CCDC91: variants seen among roughly 807,000 people sequenced by gnomAD.
The protein encoded by CCDC91 is coiled-coil domain containing 91, also known as coiled-coil domain-containing protein 91.
CCDC91 carries 48 observed loss-of-function variants against 63.2 expected under a neutral mutation model. The ratio of observed to expected loss-of-function variants is 0.76; its 90% CI spans 0.60 to 0.97. The LOEUF is 0.97. Among genes scored for constraint, CCDC91 ranks in the 50% least tolerant of loss-of-function variants. The pLI is 0.00. For missense variants in CCDC91, 500 were observed against 494.6 expected (o/e 1.01, Z -0.10); for synonymous variants, 167 against 165.8 (o/e 1.01, Z -0.06).
chr12:28,468,603 A>G (rs1456348634), intron 11 of CCDC91, among the ~76,000 whole-genome samples: 2 of 151,996 alleles, frequency 1.3e-5, no homozygotes, highest in South Asian at 4.1e-4. Flanking sequence ...TGAGGCCAGT[A>G]TTACCCAATA....
chr12:28,364,395 A>G (rs1944134739), intron 7 of CCDC91, among the ~76,000 whole-genome samples: 1 of 152,194 alleles, frequency 6.6e-6, no homozygotes, highest in Non-Finnish European at 1.5e-5. Flanking sequence ...CTCAAAAAAA[A>G]ACAAAAACAA....
At chr12:28,376,456 T>TG (rs1592479521) in intron 7 of CCDC91, among the ~76,000 whole-genome samples, 2 of 151,718 alleles carry the variant, frequency 1.3e-5, no homozygotes, top group African/African-American at 4.8e-5. Context: ...AACAAAAACT[T>TG]GTCCTACGTC....
At chr12:28,450,506 A>G in intron 10 of CCDC91, 88 bp downstream of exon 10, 3 of 957,736 alleles carry the variant, frequency 3.1e-6, no homozygotes, top group South Asian at 3.0e-5. Flanking sequence ...CTTTTATAAA[A>G]TGTTTCATTC....
chr12:28,498,111 C>A (rs1356924466), intron 12 of CCDC91, among the ~76,000 whole-genome samples: 1 of 151,632 alleles, frequency 6.6e-6, no homozygotes, highest in Non-Finnish European at 1.5e-5. Flanking sequence ...TTTACATATA[C>A]CTTTCTGCAT....
At chr12:28,452,431 T>C (rs752392354) in intron 10 of CCDC91, 47 bp from the exon 11 acceptor site, 4 of 1,205,018 alleles carry the variant, frequency 3.3e-6, no homozygotes, top group Non-Finnish European at 4.6e-6. Context: ...CTCAAGAAAT[T>C]ATTATGCAGT....
intron 7 of CCDC91, among the ~76,000 whole-genome samples, chr12:28,373,556 T>G (rs1944754068): frequency 1.3e-5 from 2 of 152,218 alleles, no homozygotes; most frequent in African/African-American, 4.8e-5. Context: ...CAGTAGTTCT[T>G]AAGGTTTACT....
intron 6 of CCDC91, among the ~76,000 whole-genome samples, chr12:28,316,359 C>A (rs1474322587): frequency 6.6e-6 from 1 of 151,480 alleles, no homozygotes; most frequent in East Asian, 1.9e-4. Context: ...TTTAAATAAT[C>A]ATTTCTGAAA....
chr12:28,466,611 C>T (rs1415441444), intron 11 of CCDC91, among the ~76,000 whole-genome samples: 3 of 152,106 alleles, frequency 2.0e-5, no homozygotes, highest in Non-Finnish European at 2.9e-5. Context: ...ATAGTACATT[C>T]AGCAAAATTA....
At chr12:28,242,454 T>G (rs552129591) in intron 1 of CCDC91, among the ~76,000 whole-genome samples, 1 of 151,908 alleles carries the variant, frequency 6.6e-6, no homozygotes, top group African/African-American at 2.4e-5. Flanking sequence ...CAACCAAACA[T>G]AGGAAATAAC....
intron 11 of CCDC91, among the ~76,000 whole-genome samples, chr12:28,478,211 A>G (rs146563715): frequency 2.0e-3 from 303 of 152,294 alleles, no homozygotes; most frequent in African/African-American, 7.0e-3. Flanking sequence ...ACTTCAAGCT[A>G]TACTCCAAGG....
At chr12:28,227,850 G>A (rs1287472051) in intron 1 of CCDC91, among the ~76,000 whole-genome samples, 1 of 151,990 alleles carries the variant, frequency 6.6e-6, no homozygotes, top group East Asian at 1.9e-4. Flanking sequence ...AATGAGTTCT[G>A]TGTTTGCCTC....
intron 7 of CCDC91, among the ~76,000 whole-genome samples, chr12:28,386,686 G>T (rs374508978): frequency 6.6e-6 from 1 of 152,158 alleles, no homozygotes; most frequent in East Asian, 1.9e-4. Flanking sequence ...TTCTTAAAGT[G>T]TGATAGTTTT....
intron 6 of CCDC91, among the ~76,000 whole-genome samples, chr12:28,326,708 A>T (rs1014758983): frequency 1.3e-5 from 2 of 152,018 alleles, no homozygotes; most frequent in Non-Finnish European, 1.5e-5. Context: ...TTAAATCTCC[A>T]TTCTATTTAT....
At chr12:28,362,068 A>G (rs1363994941) in intron 6 of CCDC91, among the ~76,000 whole-genome samples, 1 of 151,946 alleles carries the variant, frequency 6.6e-6, no homozygotes, top group African/African-American at 2.4e-5. Flanking sequence ...TGGTTCTCAA[A>G]CTTTGGGATG....
Position 28,549,902 on chromosome 12 carries a change from A to T in CCDC91, c.*729A>T, listed in dbSNP as rs549817677. The stretch of plus-strand genomic sequence containing the variant: ...AAATCAAATTGTGAACTTAATCTCT[A>T]GAAAGAGAATATAACTCAGCCATTT... On this transcript the variant is annotated 3_prime_UTR_variant, in exon 13 of 13. Coordinates refer to ENST00000536442, the MANE Select transcript of CCDC91 (RefSeq NM_018318.5). 3 of 152,422 alleles carry T rather than the reference A, an allele frequency of 2.0e-5. No individual in the cohort carries two copies. Among genetic ancestry groups the T allele is most frequent in the Admixed American group, 2.0e-4 (3 of 15,288 alleles). 9.4% of individuals were successfully genotyped at this position (152,422 alleles called of 1,614,324 possible).
chr12:28,304,013 A>T (rs79700750), intron 3 of CCDC91, among the ~76,000 whole-genome samples: 9,774 of 152,182 alleles, frequency 0.064, 418 homozygotes, highest in Non-Finnish European at 0.091. Context: ...TAGAAAAAAA[A>T]TAATTTCCGA....
chr12:28,449,105 T>C (rs1216715487), intron 8 of CCDC91, among the ~76,000 whole-genome samples: 1 of 152,100 alleles, frequency 6.6e-6, no homozygotes, highest in African/African-American at 2.4e-5. Context: ...CATGTGATTT[T>C]ACTTACTCTC....
chr12:28,523,094 C>G (rs892828104), intron 12 of CCDC91, among the ~76,000 whole-genome samples: 6 of 151,942 alleles, frequency 3.9e-5, no homozygotes, highest in Admixed American at 3.9e-4. Context: ...TTAGGTCCGC[C>G]TGGTGCAGAG....
intron 6 of CCDC91, among the ~76,000 whole-genome samples, chr12:28,334,038 TTA>T (rs1469440658): frequency 2.6e-5 from 4 of 151,288 alleles, no homozygotes; most frequent in Middle Eastern, 3.4e-3. Context: ...CTGGCAGAAT[TTA>T]TGTGTGTGTG....
Sources: allele counts gnomAD v4.1 joint callset (sites outside exome capture counted in the v4.1 genomes callset), GRCh38; gene constraint gnomAD v4.1.1; transcripts MANE v1.5; gene names NCBI Gene and HGNC (gene_info 2026-07-23, HGNC 2026-07-21).